FBXL17: variants seen among roughly 807,000 people sequenced by gnomAD.
FBXL17 encodes F-box/LRR-repeat protein 17.
In FBXL17, 22 loss-of-function variants were observed where a neutral mutation model predicts 66.2. The observed-to-expected ratio is 0.33, with a 90% CI of 0.24 to 0.47. The LOEUF (loss-of-function observed/expected upper bound fraction) is 0.47, where lower values mean the gene tolerates loss of function less well. FBXL17 is among the 20% of genes least tolerant of loss of function. The pLI is 1.00. For synonymous variants in FBXL17, 474 were observed against 400.5 expected, an observed-to-expected ratio of 1.18 and a Z score of -2.19; for missense variants, 878 against 948.2, an observed-to-expected ratio of 0.93 and a Z score of 0.97.
intron 7 of FBXL17, among the ~76,000 whole-genome samples, chr5:107,962,900 T>G (rs1751975372): frequency 6.6e-6 from 1 of 152,100 alleles, no homozygotes; most frequent in Non-Finnish European, 1.5e-5. Flanking sequence ...GAGAAGACAG[T>G]TATTTTATAC....
rs199700593 is a variant in FBXL17, at chr5:108,298,839, CAT to C, written c.1506+49558_1506+49559del. The C allele has an allele frequency of 3.0e-4, 268 of 904,720 alleles. 4 individuals carry two copies. The East Asian group carries it at 0.026, about 89-fold the overall frequency. The allele number at this position is 904,720 out of a possible 1,614,324, so 56.0% of individuals were successfully genotyped here. ...AATAAAACAAAAAATAAAAACCTAA[CAT>C]GTCAGCATTTAAAATATATTTATTC... On this transcript the variant is annotated intron_variant, in intron 4 of 8. Coordinates refer to ENST00000542267, the MANE Select transcript of FBXL17 (RefSeq NM_001163315.3).
chr5:107,980,664 A>ATATATATATATATTTTTTTT, intron 7 of FBXL17, among the ~76,000 whole-genome samples: 18 of 62,066 alleles, frequency 2.9e-4, no homozygotes, highest in Non-Finnish European at 4.4e-4. Flanking sequence ...ATATATATAT[A>ATATATATATATATTTTTTTT]TTTTTTTTTT....
chr5:108,305,140 G>C (rs533405504), intron 4 of FBXL17, among the ~76,000 whole-genome samples: 1 of 152,090 alleles, frequency 6.6e-6, no homozygotes, highest in African/African-American at 2.4e-5. Context: ...GAAAAAGTAA[G>C]TGTATATGGC....
chr5:107,910,102 G>T (rs1229125952), intron 7 of FBXL17, among the ~76,000 whole-genome samples: 3 of 149,896 alleles, frequency 2.0e-5, no homozygotes, highest in Non-Finnish European at 4.4e-5. Flanking sequence ...TCATTTGCTT[G>T]CAGTGTGGGA....
At chr5:108,016,666 C>T (rs1011154268) in intron 7 of FBXL17, among the ~76,000 whole-genome samples, 3 of 152,210 alleles carry the variant, frequency 2.0e-5, no homozygotes, top group Non-Finnish European at 4.4e-5. Context: ...AAGAGAAATA[C>T]CACTTCCTCC....
chr5:108,352,329 T>C (rs963048473), intron 3 of FBXL17, among the ~76,000 whole-genome samples: 1 of 152,220 alleles, frequency 6.6e-6, no homozygotes, highest in African/African-American at 2.4e-5. Flanking sequence ...TTATAACTGA[T>C]ATATTTACAA....
intron 6 of FBXL17, among the ~76,000 whole-genome samples, chr5:108,067,713 G>C (rs1404708132): frequency 1.3e-5 from 2 of 152,136 alleles, no homozygotes; most frequent in Non-Finnish European, 2.9e-5. Flanking sequence ...GTATAAAAGT[G>C]AAAGGCCCAA....
At chr5:108,161,992 G>T (rs1451779910) in intron 6 of FBXL17, among the ~76,000 whole-genome samples, 2 of 152,230 alleles carry the variant, frequency 1.3e-5, no homozygotes, top group Non-Finnish European at 2.9e-5. Context: ...AGCATGCTCA[G>T]CAGCGTTAAA....
chr5:108,029,355 G>C (rs1294509769), intron 6 of FBXL17, among the ~76,000 whole-genome samples: 3 of 152,102 alleles, frequency 2.0e-5, no homozygotes, highest in Non-Finnish European at 2.9e-5. Context: ...GCTTGAGGAA[G>C]GCAGGGACCT....
intron 7 of FBXL17, among the ~76,000 whole-genome samples, chr5:107,893,555 C>T (rs1181344437): frequency 6.6e-6 from 1 of 152,130 alleles, no homozygotes; most frequent in Non-Finnish European, 1.5e-5. Flanking sequence ...TTATATAATC[C>T]TCAGGCACTA....
intron 5 of FBXL17, among the ~76,000 whole-genome samples, chr5:108,188,393 C>A (rs961348560): frequency 1.3e-5 from 2 of 152,156 alleles, no homozygotes; most frequent in Non-Finnish European, 2.9e-5. Context: ...TTAGTAAAGG[C>A]AGAGCTTCAG....
At chr5:108,041,902 T>C (rs1418925443) in intron 6 of FBXL17, among the ~76,000 whole-genome samples, 1 of 152,154 alleles carries the variant, frequency 6.6e-6, no homozygotes. Flanking sequence ...ATCCATTCTA[T>C]AATTCAGGGG....
At chr5:108,232,782 C>CATATATATAT (rs34650348) in intron 4 of FBXL17, among the ~76,000 whole-genome samples, 4,094 of 78,028 alleles carry the variant, frequency 0.052, 491 homozygotes, top group Non-Finnish European at 0.069. Flanking sequence ...TAAGCTCTCA[C>CATATATATAT]ATATATATAT....
chr5:108,083,790 A>G (rs569440038), intron 6 of FBXL17, among the ~76,000 whole-genome samples: 5 of 152,248 alleles, frequency 3.3e-5, no homozygotes, highest in African/African-American at 1.2e-4. Flanking sequence ...GTATGATTAA[A>G]CATGACCAAA....
rs886290384 is a variant in FBXL17, at chr5:107,860,737, T to G, written c.*983A>C. ...CAACAGTAGAAAGATTGTCTACTTA[T>G]ATCTCACTCATGAATCTTCTATTAA... On this transcript the variant is annotated 3_prime_UTR_variant, in exon 9 of 9. Coordinates refer to ENST00000542267, the MANE Select transcript of FBXL17 (RefSeq NM_001163315.3). 2.0e-5 allele frequency: 3 copies of G among 152,654 alleles called. No homozygotes were observed. Among genetic ancestry groups the G allele is most frequent in the Non-Finnish European group, 4.4e-5 (3 of 68,040 alleles). 9.5% of individuals were successfully genotyped at this position (152,654 alleles called of 1,614,324 possible). A position where few individuals can be genotyped will look rare whatever the true frequency, so the allele number is the denominator to read the frequency against.
chr5:107,862,799 G>C (rs571077121), intron 8 of FBXL17, among the ~76,000 whole-genome samples: 1 of 141,926 alleles, frequency 7.0e-6, no homozygotes, highest in African/African-American at 2.5e-5. Context: ...GGACCACTAG[G>C]AAAAACCTGA....
intron 7 of FBXL17, among the ~76,000 whole-genome samples, chr5:107,909,088 A>G (rs957912590): frequency 6.6e-6 from 1 of 152,168 alleles, no homozygotes; most frequent in Admixed American, 6.5e-5. Context: ...AGCAACCTAT[A>G]TTGAGATTCT....
intron 4 of FBXL17, among the ~76,000 whole-genome samples, chr5:108,305,083 CAA>C (rs1440548161): frequency 6.6e-6 from 1 of 151,958 alleles, no homozygotes; most frequent in Non-Finnish European, 1.5e-5. Flanking sequence ...CATAAATCAA[CAA>C]GTCTGACCCT....
chr5:108,299,081 T>G, intron 4 of FBXL17: 3 of 975,420 alleles, frequency 3.1e-6, no homozygotes, highest in Non-Finnish European at 3.7e-6. Context: ...AAATGTTTAC[T>G]GCTATTTTAA....
Sources: gnomAD v4.1 joint callset for allele counts (sites outside exome capture counted in the v4.1 genomes callset) on GRCh38, gnomAD v4.1.1 for gene constraint, MANE v1.5 for transcripts, NCBI Gene and HGNC (gene_info 2026-07-23, HGNC 2026-07-21) for gene names.